Variants in EFHC2 observed in about 807,000 individuals in gnomAD.
The protein encoded by EFHC2 is EF-hand domain containing 2.
A neutral mutation model predicts 52.7 loss-of-function variants in EFHC2; 18 were observed. The observed-to-expected ratio is 0.34, with a 90% CI of 0.24 to 0.51. The LOEUF is 0.51. Ranked by LOEUF, EFHC2 falls within the 20% of genes least tolerant of loss-of-function variation. The pLI is 0.97. For synonymous variants in EFHC2, 203 were observed against 204.1 expected, an observed-to-expected ratio of 0.99 and a Z score of 0.04; for missense variants, 513 against 562.5, an observed-to-expected ratio of 0.91 and a Z score of 0.89.
At chrX:44,332,321 T>A (rs1362610712) in intron 1 of EFHC2, among the ~76,000 whole-genome samples, 1 of 110,921 alleles carries the variant, frequency 9.0e-6, no homozygotes, top group Non-Finnish European at 1.9e-5. Flanking sequence ...TGACCTAAAC[T>A]TCCCCCCACC....
intron 1 of EFHC2, among the ~76,000 whole-genome samples, chrX:44,329,753 C>T (rs2038074560): frequency 9.2e-6 from 1 of 108,684 alleles, no homozygotes; most frequent in Non-Finnish European, 1.9e-5. Flanking sequence ...CAGCTGCACC[C>T]CACCACACCG....
intron 2 of EFHC2, among the ~76,000 whole-genome samples, chrX:44,289,576 C>T (rs1483040452): frequency 9.1e-6 from 1 of 109,978 alleles, no homozygotes; most frequent in African/African-American, 3.3e-5. Flanking sequence ...TTGCTTTATC[C>T]TTGAAAATTT....
intron 8 of EFHC2, among the ~76,000 whole-genome samples, chrX:44,235,880 C>T (rs1029530486): frequency 8.9e-6 from 1 of 112,190 alleles, no homozygotes; most frequent in Non-Finnish European, 1.9e-5. Flanking sequence ...CTGTCTCATG[C>T]CCTTTACTTT....
At chrX:44,151,843 T>G (rs935056047) in intron 14 of EFHC2, among the ~76,000 whole-genome samples, 3 of 111,532 alleles carry the variant, frequency 2.7e-5, no homozygotes, top group Non-Finnish European at 5.6e-5. Context: ...CTGTGGGCAT[T>G]TTTTCTTTCA....
chrX:44,229,787 G>A lies in EFHC2; in HGVS notation c.1621-8C>T. Reference sequence around the variant, plus strand: ...GAGGTTACTGAAAGGATACTGTAAGGGGGAAATGAAAGGAAAAACATATTT... The same window carrying A: ...GAGGTTACTGAAAGGATACTGTAAGAGGGAAATGAAAGGAAAAACATATTT... On this transcript the variant is annotated splice_region_variant and splice_polypyrimidine_tract_variant and intron_variant, in intron 10 of 14. Coordinates refer to ENST00000420999, the MANE Select transcript of EFHC2 (RefSeq NM_025184.4). 1 of 1,200,450 alleles carries A rather than the reference G, an allele frequency of 8.3e-7. No homozygotes were observed. The highest frequency in any genetic ancestry group is 1.1e-6 in the Non-Finnish European group (1 of 890,379).
intron 1 of EFHC2, among the ~76,000 whole-genome samples, 188 bp from the exon 2 acceptor site, chrX:44,312,944 T>A (rs982690351): frequency 8.1e-5 from 9 of 111,798 alleles, no homozygotes; most frequent in Middle Eastern, 4.2e-3. Context: ...TAATTCATTT[T>A]AATCAATTCA....
Position 44,261,285 on chromosome X carries a change from C to A in EFHC2, c.396G>T (p.Arg132=). Residue 132 remains arginine (R), a synonymous_variant, in exon 4 of 15, where the codon CGG becomes CGT. Coordinates refer to ENST00000420999, the MANE Select transcript of EFHC2 (RefSeq NM_025184.4). ...GAGGCGGAAGAGTAATCCGATGACG[C>A]CGGATAGAAGTCCCTATGGCATGAA... ...NSGLLQGTSI[R]RHRITLPPPD... 8.4e-7 allele frequency: 1 copy of A among 1,187,829 alleles called. No individual in the cohort carries two copies. Among genetic ancestry groups the A allele is most frequent in the South Asian group, 1.9e-5 (1 of 52,105 alleles).
At chrX:44,197,212 G>A (rs185785934) in intron 11 of EFHC2, among the ~76,000 whole-genome samples, 3 of 112,060 alleles carry the variant, frequency 2.7e-5, no homozygotes, top group African/African-American at 9.7e-5. Context: ...GTCAAAATAA[G>A]TCTAGGAATG....
At chrX:44,174,536 T>C (rs1406465011) in intron 13 of EFHC2, among the ~76,000 whole-genome samples, 1 of 108,002 alleles carries the variant, frequency 9.3e-6, no homozygotes, top group Non-Finnish European at 1.9e-5. Flanking sequence ...CAGAGCTTCA[T>C]GGATATGGTG....
At chrX:44,198,620 AC>A (rs2036983263) in intron 11 of EFHC2, among the ~76,000 whole-genome samples, 1 of 111,357 alleles carries the variant, frequency 9.0e-6, no homozygotes, top group Non-Finnish European at 1.9e-5. Flanking sequence ...GTCCCCAGGT[AC>A]CAACGCGAAG....
At chrX:44,221,333 C>T (rs771643708) in intron 11 of EFHC2, among the ~76,000 whole-genome samples, 8 of 111,466 alleles carry the variant, frequency 7.2e-5, no homozygotes, top group Admixed American at 1.9e-4. Flanking sequence ...TGCTCCACCA[C>T]AAAATAAGCG....
intron 14 of EFHC2, among the ~76,000 whole-genome samples, chrX:44,153,361 G>A (rs746789362): frequency 7.2e-5 from 8 of 111,457 alleles, no homozygotes; most frequent in Non-Finnish European, 1.5e-4. Context: ...TAACTATGCC[G>A]GCCCCATTGT....
chrX:44,256,987 G>A (rs1017750846), intron 4 of EFHC2, among the ~76,000 whole-genome samples: 2 of 110,712 alleles, frequency 1.8e-5, no homozygotes, highest in African/African-American at 6.6e-5. Context: ...TGCAAGGCTG[G>A]TTCAACATAT....
intron 1 of EFHC2, among the ~76,000 whole-genome samples, chrX:44,319,442 C>A (rs757556405): frequency 8.9e-6 from 1 of 111,737 alleles, no homozygotes; most frequent in Non-Finnish European, 1.9e-5. Flanking sequence ...CTCACTCTTT[C>A]CAGGGATGCC....
intron 2 of EFHC2, among the ~76,000 whole-genome samples, chrX:44,300,127 C>CA (rs59499465): frequency 0.18 from 19,743 of 108,912 alleles, 1,575 homozygotes; most frequent in African/African-American, 0.3. Flanking sequence ...GGTTTGAACT[C>CA]GGGGGGGAAG....
chrX:44,201,996 C>T (rs988533995), intron 11 of EFHC2, among the ~76,000 whole-genome samples: 10 of 111,167 alleles, frequency 9.0e-5, no homozygotes, highest in African/African-American at 3.3e-4. Context: ...GCTATTACTA[C>T]TCACATGTTG....
intron 2 of EFHC2, among the ~76,000 whole-genome samples, chrX:44,307,168 G>A (rs1258905903): frequency 1.8e-5 from 2 of 110,465 alleles, no homozygotes; most frequent in Non-Finnish European, 3.8e-5. Flanking sequence ...GCTGGGGGTG[G>A]GGGATCACCA....
intron 11 of EFHC2, among the ~76,000 whole-genome samples, chrX:44,189,762 G>A (rs1184156568): frequency 9.0e-6 from 1 of 111,240 alleles, no homozygotes. Context: ...GGGCCATCAT[G>A]GAAGCCAGCT....
At chrX:44,236,018 C>A (rs966543149) in intron 8 of EFHC2, among the ~76,000 whole-genome samples, 7 of 107,191 alleles carry the variant, frequency 6.5e-5, no homozygotes, top group African/African-American at 2.6e-4. Context: ...GATAGACCCA[C>A]CTTTTTTTTT....
Sources: gnomAD v4.1 joint callset for allele counts (sites outside exome capture counted in the v4.1 genomes callset) on GRCh38, gnomAD v4.1.1 for gene constraint, MANE v1.5 for transcripts, NCBI Gene and HGNC (gene_info 2026-07-23, HGNC 2026-07-21) for gene names.